Variants in PPP1R12B observed in about 807,000 individuals in gnomAD.
PPP1R12B encodes protein phosphatase 1 regulatory subunit 12B.
A neutral mutation model predicts 126.1 loss-of-function variants in PPP1R12B; 76 were observed. The observed-to-expected ratio is 0.60, with a 90% CI of 0.50 to 0.73. The LOEUF (loss-of-function observed/expected upper bound fraction) is 0.73, where lower values mean the gene tolerates loss of function less well. Among genes scored for constraint, PPP1R12B ranks in the 30% least tolerant of loss-of-function variants. The pLI is 0.00. For missense variants in PPP1R12B, 1,052 were observed against 1,205.1 expected (o/e 0.87, Z 1.88); for synonymous variants, 356 against 434.7 (o/e 0.82, Z 2.25).
In PPP1R12B at chr1:202,575,209, A is replaced by G. The variant is rs1688986276; in HGVS notation, c.2863-5265A>G. ...CAGGTTCAGTCTTCTTGTTAGTCCC[A>G]GAAGCTCTGTGCTCATCCCCTCCAT... On this transcript the variant is annotated intron_variant, in intron 23 of 23. Transcript: ENST00000608999. The G allele has an allele frequency of 5.9e-6, 9 of 1,530,150 alleles. No individual in the cohort carries two copies. The Admixed American group carries it at 9.7e-5, about 16-fold the overall frequency. 94.8% of individuals were successfully genotyped at this position (1,530,150 alleles called of 1,614,324 possible). A position where few individuals can be genotyped will look rare whatever the true frequency, so the allele number is the denominator to read the frequency against.
chr1:202,522,260 T>C (rs1682859002), intron 18 of PPP1R12B, among the ~76,000 whole-genome samples: 1 of 152,186 alleles, frequency 6.6e-6, no homozygotes, highest in African/African-American at 2.4e-5. Context: ...TGTTAAAATA[T>C]GAGCTAAAGC....
intron 9 of PPP1R12B, among the ~76,000 whole-genome samples, chr1:202,436,821 TA>T (rs397968646): frequency 6.6e-6 from 1 of 152,108 alleles, no homozygotes; most frequent in African/African-American, 2.4e-5. Context: ...ATTTAAAAGA[TA>T]AAAAGATAGC....
intron 3 of PPP1R12B, 77 bp downstream of exon 3, chr1:202,422,815 C>T: frequency 6.3e-7 from 1 of 1,587,652 alleles, no homozygotes; most frequent in Non-Finnish European, 8.6e-7. Flanking sequence ...ATTTGCTGTG[C>T]AGAGCATTTC....
intron 18 of PPP1R12B, among the ~76,000 whole-genome samples, chr1:202,531,382 A>T (rs1199459670): frequency 6.6e-6 from 1 of 152,106 alleles, no homozygotes; most frequent in Non-Finnish European, 1.5e-5. Flanking sequence ...AGGGCTTGAT[A>T]TTTTTTAACA....
rs775975689 is a variant in PPP1R12B, at chr1:202,569,154, G to C, written c.2819G>C (p.Arg940Pro). 6.2e-7 allele frequency: 1 copy of C among 1,613,594 alleles called. No homozygotes were observed. Residue 940 changes from arginine to proline, a missense_variant, in exon 23 of 24, where the codon CGA becomes CCA. Transcript: ENST00000608999. ...SVLEMEKRER[R>P]ALERKMSEME... ...CTCATTGTTCCGAAACAGGAGAGGC[G>C]AGCCTTGGAGCGCAAAATGTCAGAA...
rs1316078757 is a variant in PPP1R12B, at chr1:202,455,590, G to T, written c.1850+6419G>T. On this transcript the variant is annotated intron_variant, in intron 13 of 23. Coordinates refer to ENST00000608999, the MANE Select transcript of PPP1R12B (RefSeq NM_002481.4). ...AATAATATTCCATCATATAGATAAT[G>T]CCACATTTTGTTTGTCCATTCATAA... Among the ~76,000 whole-genome samples, 4 of 152,098 alleles carry T rather than the reference G, an allele frequency of 2.6e-5. No individual in the cohort carries two copies. In the South Asian group the frequency reaches 8.3e-4, roughly 32 times the overall value.
chr1:202,361,686 C>T (rs576475476), intron 1 of PPP1R12B, among the ~76,000 whole-genome samples: 2 of 152,150 alleles, frequency 1.3e-5, no homozygotes, highest in South Asian at 2.1e-4. Context: ...TTCTTATTCC[C>T]TAAGTCAACT....
chr1:202,365,911 G>T (rs1260400351), intron 1 of PPP1R12B, among the ~76,000 whole-genome samples: 1 of 151,970 alleles, frequency 6.6e-6, no homozygotes, highest in African/African-American at 2.4e-5. Flanking sequence ...GATTACCTGA[G>T]CCTGGGAGTT....
At chr1:202,475,472 C>G (rs1171765976) in intron 13 of PPP1R12B, among the ~76,000 whole-genome samples, 2 of 152,116 alleles carry the variant, frequency 1.3e-5, no homozygotes, top group African/African-American at 4.8e-5. Flanking sequence ...CCCGATATTG[C>G]AGGATTTGCT....
At chr1:202,389,835 G>A (rs1185566249) in intron 1 of PPP1R12B, among the ~76,000 whole-genome samples, 3 of 151,348 alleles carry the variant, frequency 2.0e-5, no homozygotes, top group African/African-American at 7.3e-5. Flanking sequence ...GCTGAGGCAG[G>A]AGAATTGCTT....
chr1:202,471,538 A>C (rs546723278), intron 13 of PPP1R12B, among the ~76,000 whole-genome samples: 1 of 141,310 alleles, frequency 7.1e-6, no homozygotes, highest in South Asian at 2.2e-4. Flanking sequence ...AATGTACGTG[A>C]GTTTCTCATT....
At chr1:202,438,836 G>A (rs1027682029) in intron 10 of PPP1R12B, 41 of 977,426 alleles carry the variant, frequency 4.2e-5, no homozygotes, top group Middle Eastern at 2.4e-4. Flanking sequence ...TGGGGGAGAC[G>A]GCCATGGTCA....
In PPP1R12B at chr1:202,582,085, T is replaced by C. The variant is rs561829705; in HGVS notation, c.*1525T>C. On this transcript the variant is annotated 3_prime_UTR_variant, in exon 24 of 24. Transcript: ENST00000608999. ...TTCCTCATATCAGCTGAAGTCTGCCTGTGGATTCTCCTTGTAGTCCAGATC... is the reference window on the plus strand; with the variant it reads ...TTCCTCATATCAGCTGAAGTCTGCCCGTGGATTCTCCTTGTAGTCCAGATC... 6.6e-6 allele frequency: 1 copy of C among 152,350 alleles called. No individual in the cohort carries two copies. Among genetic ancestry groups the C allele is most frequent in the African/African-American group, 2.4e-5 (1 of 41,582 alleles). The allele number at this position is 152,350 out of a possible 1,614,324, so 9.4% of individuals were successfully genotyped here.
At chr1:202,472,147 G>A in intron 13 of PPP1R12B, 1 of 1,135,042 alleles carries the variant, frequency 8.8e-7, no homozygotes, top group South Asian at 1.6e-5. Flanking sequence ...ATCACCGCCG[G>A]AAAACAAAAG....
At chr1:202,475,886 C>T (rs1469282553) in intron 13 of PPP1R12B, among the ~76,000 whole-genome samples, 2 of 151,648 alleles carry the variant, frequency 1.3e-5, no homozygotes, top group Non-Finnish European at 2.9e-5. Flanking sequence ...GAACTTTTGT[C>T]GATGTAATCT....
At chr1:202,374,493 C>CTTTTTTTTTTTT (rs1160730172) in intron 1 of PPP1R12B, among the ~76,000 whole-genome samples, 2 of 89,506 alleles carry the variant, frequency 2.2e-5, no homozygotes, top group Admixed American at 1.7e-4. Flanking sequence ...TTGTCTCTCT[C>CTTTTTTTTTTTT]TTTTTTTTTT....
intron 1 of PPP1R12B, among the ~76,000 whole-genome samples, chr1:202,401,674 TA>T (rs1665868276): frequency 6.6e-6 from 1 of 152,206 alleles, no homozygotes; most frequent in Non-Finnish European, 1.5e-5. Flanking sequence ...AACCCTGAAA[TA>T]AAAAGAAGGT....
At chr1:202,567,573 A>G (rs530671485) in intron 21 of PPP1R12B, 1 of 566,876 alleles carries the variant, frequency 1.8e-6, no homozygotes, top group African/African-American at 1.9e-5. Flanking sequence ...CCCTCCCCAG[A>G]GGGAATCCTG....
chr1:202,474,111 A>G (rs188855604), intron 13 of PPP1R12B, among the ~76,000 whole-genome samples: 251 of 152,270 alleles, frequency 1.6e-3, no homozygotes, highest in African/African-American at 5.7e-3. Flanking sequence ...CCTATTTGCT[A>G]TATCTATAGA....
Sources: gnomAD v4.1 joint callset for allele counts (sites outside exome capture counted in the v4.1 genomes callset) on GRCh38, gnomAD v4.1.1 for gene constraint, MANE v1.5 for transcripts, NCBI Gene and HGNC (gene_info 2026-07-23, HGNC 2026-07-21) for gene names.